ROBO1: variants seen among roughly 807,000 people sequenced by gnomAD.
ROBO1 encodes the protein roundabout homolog 1.
In ROBO1, 149 loss-of-function variants were observed where a neutral mutation model predicts 195.9. That is an observed-to-expected ratio of 0.76 (90% CI 0.67 to 0.87). The LOEUF is 0.87. Ranked by LOEUF, ROBO1 falls within the 40% of genes least tolerant of loss-of-function variation. ROBO1 has a pLI of 0.00. For synonymous variants in ROBO1, 816 were observed against 733.2 expected (o/e 1.11, Z -1.82); for missense variants, 1,933 against 2,068.3 (o/e 0.93, Z 1.27).
At chr3:79,175,825 C>T (rs1385098931) in intron 2 of ROBO1, among the ~76,000 whole-genome samples, 1 of 152,198 alleles carries the variant, frequency 6.6e-6, no homozygotes, top group African/African-American at 2.4e-5. Flanking sequence ...ATTTGACCCA[C>T]TCTTATTTGC....
At chr3:78,854,645 A>G (rs2034299683) in intron 4 of ROBO1, among the ~76,000 whole-genome samples, 1 of 152,060 alleles carries the variant, frequency 6.6e-6, no homozygotes, top group African/African-American at 2.4e-5. Flanking sequence ...AATTAGAAAC[A>G]AGCAATAAAC....
chr3:79,588,044 G>A (rs1047529361), intron 2 of ROBO1, among the ~76,000 whole-genome samples: 5 of 151,670 alleles, frequency 3.3e-5, no homozygotes, highest in African/African-American at 1.2e-4. Flanking sequence ...AGACAGTGTT[G>A]CCTCAAAATG....
Position 79,699,417 on chromosome 3 carries a change from C to G in ROBO1, c.-51+68335G>C, listed in dbSNP as rs57379497. ...AGATTTCTCGGACATTTCAAAATCT[C>G]GAAGTACCATAAATACAATAACATT... On this transcript the variant is annotated intron_variant, in intron 1 of 30. Transcript: ENST00000464233. 7.5e-3 allele frequency among the ~76,000 whole-genome samples: 1,143 copies of G among 151,540 alleles called. 13 individuals carry two copies. The highest frequency in any genetic ancestry group is 0.026 in the African/African-American group (1,073 of 41,400).
At chr3:78,909,625 G>A (rs2107528063) in intron 4 of ROBO1, among the ~76,000 whole-genome samples, 1 of 151,642 alleles carries the variant, frequency 6.6e-6, no homozygotes, top group South Asian at 2.1e-4. Context: ...GAATATTTTG[G>A]TTTCCTAATA....
chr3:78,788,876 A>G (rs1391268320), intron 4 of ROBO1, among the ~76,000 whole-genome samples: 1 of 152,188 alleles, frequency 6.6e-6, no homozygotes, highest in Non-Finnish European at 1.5e-5. Context: ...TAATTTTTAA[A>G]ATACATCTTA....
chr3:78,730,748 G>C (rs2082268016), intron 5 of ROBO1, among the ~76,000 whole-genome samples: 1 of 152,106 alleles, frequency 6.6e-6, no homozygotes, highest in African/African-American at 2.4e-5. Flanking sequence ...GCAAATTTGT[G>C]CCTCATTTCC....
intron 1 of ROBO1, among the ~76,000 whole-genome samples, chr3:79,613,602 C>G (rs1944730941): frequency 6.6e-6 from 1 of 151,860 alleles, no homozygotes; most frequent in Non-Finnish European, 1.5e-5. Flanking sequence ...CAAACATGGT[C>G]AGATTAGATG....
intron 4 of ROBO1, among the ~76,000 whole-genome samples, chr3:78,766,530 G>GT (rs1156741343): frequency 4.6e-5 from 7 of 152,076 alleles, no homozygotes; most frequent in Non-Finnish European, 8.8e-5. Flanking sequence ...AGACTTTACG[G>GT]TTTTTTTAGG....
At chr3:79,348,632 TAATA>T (rs2035224757) in intron 2 of ROBO1, among the ~76,000 whole-genome samples, 1 of 152,190 alleles carries the variant, frequency 6.6e-6, no homozygotes, top group Non-Finnish European at 1.5e-5. Flanking sequence ...GCACATTAAA[TAATA>T]AATAATTTTC....
At chr3:78,645,035 C>A (rs542907874) in intron 21 of ROBO1, among the ~76,000 whole-genome samples, 15 of 152,150 alleles carry the variant, frequency 9.9e-5, no homozygotes, top group Non-Finnish European at 1.9e-4. Flanking sequence ...ACAAACATGC[C>A]CTGGTTTAAT....
At chr3:79,400,505 T>G (rs2037328953) in intron 2 of ROBO1, among the ~76,000 whole-genome samples, 1 of 152,118 alleles carries the variant, frequency 6.6e-6, no homozygotes, top group South Asian at 2.1e-4. Context: ...AGGCTTCAGT[T>G]TAAAAACCTA....
At chr3:79,358,767 T>C (rs2035656713) in intron 2 of ROBO1, among the ~76,000 whole-genome samples, 1 of 152,046 alleles carries the variant, frequency 6.6e-6, no homozygotes, top group South Asian at 2.1e-4. Flanking sequence ...TCTATAATTT[T>C]AAGAGTGGAA....
chr3:79,612,197 A>T (rs1424244492), intron 1 of ROBO1, among the ~76,000 whole-genome samples: 1 of 137,284 alleles, frequency 7.3e-6, no homozygotes, highest in African/African-American at 2.7e-5. Flanking sequence ...ACCCCACAAC[A>T]GTCCCCAGAG....
chr3:78,873,757 T>G (rs1039584582), intron 4 of ROBO1, among the ~76,000 whole-genome samples: 16 of 152,140 alleles, frequency 1.1e-4, no homozygotes, highest in Admixed American at 6.6e-4. Flanking sequence ...TGAATATTCA[T>G]TTTCTGTGTT....
chr3:79,003,500 C>T (rs1028172394), intron 3 of ROBO1, among the ~76,000 whole-genome samples: 1 of 152,078 alleles, frequency 6.6e-6, no homozygotes, highest in Admixed American at 6.6e-5. Flanking sequence ...ATGCCGAACA[C>T]TCTTTCAAGT....
chr3:78,913,101 T>A (rs1467491417), intron 4 of ROBO1, among the ~76,000 whole-genome samples: 1 of 152,194 alleles, frequency 6.6e-6, no homozygotes, highest in African/African-American at 2.4e-5. Context: ...ATCAGTTCTT[T>A]GACTAACTTT....
intron 2 of ROBO1, among the ~76,000 whole-genome samples, chr3:79,174,821 A>C (rs1328443853): frequency 6.6e-6 from 1 of 151,040 alleles, no homozygotes; most frequent in Non-Finnish European, 1.5e-5. Context: ...GCGCCACTGC[A>C]CTTCAGTCTG....
At chr3:78,907,255 G>C (rs2037977928) in intron 4 of ROBO1, among the ~76,000 whole-genome samples, 2 of 151,834 alleles carry the variant, frequency 1.3e-5, no homozygotes, top group Admixed American at 1.3e-4. Context: ...CCCCTGAAAA[G>C]ATCTCTTAAA....
chr3:78,764,125 G>A (rs2083171846), intron 4 of ROBO1, among the ~76,000 whole-genome samples: 1 of 152,100 alleles, frequency 6.6e-6, no homozygotes, highest in African/African-American at 2.4e-5. Context: ...AAATATTCAT[G>A]TATTCTACTG....
Sources: gnomAD v4.1 joint callset for allele counts (sites outside exome capture counted in the v4.1 genomes callset) on GRCh38, gnomAD v4.1.1 for gene constraint, MANE v1.5 for transcripts, NCBI Gene and HGNC (gene_info 2026-07-23, HGNC 2026-07-21) for gene names.